PARVA: variants seen among roughly 807,000 people sequenced by gnomAD.
The protein encoded by PARVA is alpha-parvin.
In PARVA, 25 loss-of-function variants were observed where a neutral mutation model predicts 52.6. That is an observed-to-expected ratio of 0.48 (90% CI 0.35 to 0.66). The LOEUF (loss-of-function observed/expected upper bound fraction) is 0.66, where lower values mean the gene tolerates loss of function less well. Among genes scored for constraint, PARVA ranks in the 30% least tolerant of loss-of-function variants. The pLI is 0.01. For missense variants in PARVA, 373 were observed against 450.9 expected (o/e 0.83, Z 1.56); for synonymous variants, 185 against 179.1 (o/e 1.03, Z -0.26).
intron 12 of PARVA, among the ~76,000 whole-genome samples, 174 bp downstream of exon 12, chr11:12,518,691 G>A (rs1242101358): frequency 3.3e-5 from 5 of 152,200 alleles, no homozygotes; most frequent in African/African-American, 7.2e-5. Context: ...CAGCTGCACA[G>A]CCAGGGGAAG....
intron 1 of PARVA, among the ~76,000 whole-genome samples, chr11:12,412,809 C>T (rs1024919834): frequency 3.3e-5 from 5 of 152,158 alleles, no homozygotes; most frequent in Admixed American, 1.3e-4. Context: ...TTTCCCTTTC[C>T]ACGCCAGTGT....
intron 5 of PARVA, among the ~76,000 whole-genome samples, chr11:12,497,367 T>G (rs1283967225): frequency 6.6e-6 from 1 of 152,190 alleles, no homozygotes; most frequent in Non-Finnish European, 1.5e-5. Context: ...TGCCTTTAAC[T>G]ATTAAGGGGT....
chr11:12,428,714 T>C (rs2134991691), intron 1 of PARVA, among the ~76,000 whole-genome samples: 1 of 152,294 alleles, frequency 6.6e-6, no homozygotes, highest in African/African-American at 2.4e-5. Context: ...GCCAATTGAC[T>C]AGCGGAGCAA....
At chr11:12,475,545 G>T (rs1012649905) in intron 3 of PARVA, among the ~76,000 whole-genome samples, 1 of 152,192 alleles carries the variant, frequency 6.6e-6, no homozygotes, top group Non-Finnish European at 1.5e-5. Context: ...GGAAAGGAAG[G>T]GTGGGTGGAT....
chr11:12,428,425 A>G (rs1186189474), intron 1 of PARVA, among the ~76,000 whole-genome samples: 1 of 152,214 alleles, frequency 6.6e-6, no homozygotes, highest in Non-Finnish European at 1.5e-5. Context: ...GTATGCTTCA[A>G]CATTACTAAG....
intron 5 of PARVA, among the ~76,000 whole-genome samples, chr11:12,502,678 A>G (rs1390221968): frequency 6.6e-6 from 1 of 152,206 alleles, no homozygotes; most frequent in Non-Finnish European, 1.5e-5. Context: ...CAGGAATGAT[A>G]GGGGCACACA....
chr11:12,518,851 C>T lies in PARVA; in HGVS notation c.1042+334C>T, dbSNP rs2059611. Among the ~76,000 whole-genome samples the T allele has an allele frequency of 3.7e-3, 562 of 152,294 alleles. 3 individuals carry two copies. The highest frequency in any genetic ancestry group is 0.013 in the African/African-American group (531 of 41,572). ...CTGACCTGCCAAAGAGCTGTGTCCCCGCCAGTCGGGGTGAAGGTGCAGCGC... is the reference window on the plus strand; with the variant it reads ...CTGACCTGCCAAAGAGCTGTGTCCCTGCCAGTCGGGGTGAAGGTGCAGCGC... On this transcript the variant is annotated intron_variant, in intron 12 of 12. Coordinates refer to ENST00000334956, the MANE Select transcript of PARVA (RefSeq NM_018222.5).
At chr11:12,492,721 A>G (rs190188661) in intron 4 of PARVA, among the ~76,000 whole-genome samples, 10 of 152,286 alleles carry the variant, frequency 6.6e-5, no homozygotes, top group Non-Finnish European at 1.2e-4. Context: ...AATGCTGAAG[A>G]CTCAAACCGC....
chr11:12,424,147 C>T (rs1940192997), intron 1 of PARVA, among the ~76,000 whole-genome samples: 1 of 151,986 alleles, frequency 6.6e-6, no homozygotes, highest in South Asian at 2.1e-4. Context: ...ATTTTTATCT[C>T]ACTAGATATT....
intron 1 of PARVA, among the ~76,000 whole-genome samples, chr11:12,381,553 C>T (rs1212211595): frequency 1.3e-5 from 2 of 152,140 alleles, no homozygotes; most frequent in Non-Finnish European, 2.9e-5. Flanking sequence ...TGGACATTGA[C>T]CCCCTGTACA....
At chr11:12,438,990 G>A (rs1940425412) in intron 1 of PARVA, among the ~76,000 whole-genome samples, 1 of 152,178 alleles carries the variant, frequency 6.6e-6, no homozygotes, top group African/African-American at 2.4e-5. Flanking sequence ...AATGGTGTTA[G>A]GGTAGGTACT....
chr11:12,481,896 G>A (rs569866540), intron 4 of PARVA, among the ~76,000 whole-genome samples: 197 of 152,226 alleles, frequency 1.3e-3, no homozygotes, highest in African/African-American at 4.6e-3. Flanking sequence ...AGGGCCAGGC[G>A]TGGTGGCTCA....
chr11:12,513,939 ACAGGCTCCTGCACTAG>A (rs1364220078), intron 9 of PARVA, 42 bp from the exon 10 acceptor site: 23 of 264,246 alleles, frequency 8.7e-5, no homozygotes, highest in Non-Finnish European at 1.1e-4. Flanking sequence ...CGGAGCAGCC[ACAGGCTCCTGCACTAG>A]TGCGAGTCCC....
In PARVA at chr11:12,533,073, C is replaced by T. The variant is rs1382414130; in HGVS notation, c.*5148C>T. On this transcript the variant is annotated 3_prime_UTR_variant, in exon 13 of 13. Coordinates refer to ENST00000334956, the MANE Select transcript of PARVA (RefSeq NM_018222.5). ...CTGCCCACCCCAACACCAATCTGGT[C>T]TTAGCAACCTCTGGGCATCCCATAG... Among the ~76,000 whole-genome samples the T allele has an allele frequency of 6.6e-6, 1 of 152,146 alleles. No individual in the cohort carries two copies. Among genetic ancestry groups the T allele is most frequent in the East Asian group, 1.9e-4 (1 of 5,188 alleles).
At chr11:12,413,915 TAAG>T (rs1940027966) in intron 1 of PARVA, among the ~76,000 whole-genome samples, 2 of 152,214 alleles carry the variant, frequency 1.3e-5, no homozygotes, top group Non-Finnish European at 2.9e-5. Context: ...AACAGTAACT[TAAG>T]GAGGATATTC....
chr11:12,519,753 A>G (rs924099803), intron 12 of PARVA, among the ~76,000 whole-genome samples: 4 of 152,188 alleles, frequency 2.6e-5, no homozygotes, highest in African/African-American at 9.7e-5. Flanking sequence ...TATTGACTCT[A>G]GCCAACAAAG....
In PARVA at chr11:12,496,438, T is replaced by C; in HGVS notation, c.401-20T>C. The stretch of plus-strand genomic sequence containing the variant: ...GGGGCCCAGCATAACAGCTGTTCTC[T>C]TTTCCCTTGTCACCCTCAGAGAAAC... On this transcript the variant is annotated intron_variant, in intron 4 of 12. Coordinates refer to ENST00000334956, the MANE Select transcript of PARVA (RefSeq NM_018222.5). 1 of 1,601,168 alleles carries C rather than the reference T, an allele frequency of 6.2e-7. No individual in the cohort carries two copies. Among genetic ancestry groups the C allele is most frequent in the South Asian group, 1.1e-5 (1 of 88,156 alleles).
intron 1 of PARVA, among the ~76,000 whole-genome samples, chr11:12,412,056 T>C (rs1210213479): frequency 1.3e-5 from 2 of 152,168 alleles, no homozygotes; most frequent in African/African-American, 4.8e-5. Flanking sequence ...GTTTAACTTA[T>C]CCTTCCTCCC....
At chr11:12,406,345 T>C (rs1019444723) in intron 1 of PARVA, among the ~76,000 whole-genome samples, 12 of 152,258 alleles carry the variant, frequency 7.9e-5, no homozygotes, top group African/African-American at 2.9e-4. Flanking sequence ...TAACCTCATT[T>C]ACTTAAAGTC....
Sources: allele counts gnomAD v4.1 joint callset (sites outside exome capture counted in the v4.1 genomes callset), GRCh38; gene constraint gnomAD v4.1.1; transcripts MANE v1.5; gene names NCBI Gene and HGNC (gene_info 2026-07-23, HGNC 2026-07-21).